Variants in DCDC1 observed in about 807,000 individuals in gnomAD.
The protein encoded by DCDC1 is doublecortin domain-containing protein 1.
Under a neutral mutation model 178.3 loss-of-function variants are expected in DCDC1, and 200 were observed. The observed-to-expected ratio is 1.12, with a 90% CI of 1.00 to 1.26. The LOEUF is 1.26. Among genes scored for constraint, DCDC1 ranks in the 50% most tolerant of loss-of-function variants. The pLI is 0.00. For missense variants in DCDC1, 1,983 were observed against 1,749.2 expected, an observed-to-expected ratio of 1.13 and a Z score of -2.38; for synonymous variants, 690 against 604.8, an observed-to-expected ratio of 1.14 and a Z score of -2.07.
At chr11:31,157,117 A>G (rs1965785973) in intron 9 of DCDC1, among the ~76,000 whole-genome samples, 1 of 151,912 alleles carries the variant, frequency 6.6e-6, no homozygotes, top group Non-Finnish European at 1.5e-5. Context: ...GGTGGCTCAC[A>G]TCTCTAATCC....
In DCDC1 at chr11:30,892,453, A is replaced by C. The variant is rs539825020; in HGVS notation, c.5082+365T>G. Among the ~76,000 whole-genome samples the C allele has an allele frequency of 1.4e-4, 21 of 152,234 alleles. No homozygotes were observed. In the South Asian group the frequency reaches 3.9e-3, roughly 29 times the overall value. ...ATGCCACTGCACTCCAGCCTGGGTG[A>C]CAGAGTGAGACTCTGTCTCAAATAA... On this transcript the variant is annotated intron_variant, in intron 36 of 38. Coordinates refer to ENST00000684477, the MANE Select transcript of DCDC1 (RefSeq NM_001387274.1).
intron 20 of DCDC1, among the ~76,000 whole-genome samples, chr11:30,961,897 G>A (rs1949121336): frequency 6.6e-6 from 1 of 151,852 alleles, no homozygotes; most frequent in South Asian, 2.1e-4. Flanking sequence ...CTCTGGACAG[G>A]GAACAAATCA....
chr11:31,187,744 A>G (rs777229970), intron 9 of DCDC1, among the ~76,000 whole-genome samples: 59 of 152,204 alleles, frequency 3.9e-4, no homozygotes, highest in Non-Finnish European at 7.5e-4. Context: ...GCTGGTTAAA[A>G]AAAATCCAAC....
intron 27 of DCDC1, among the ~76,000 whole-genome samples, chr11:30,913,081 A>T (rs1945559020): frequency 6.6e-6 from 1 of 152,168 alleles, no homozygotes; most frequent in African/African-American, 2.4e-5. Flanking sequence ...CTGCCATGGG[A>T]CATATATTGT....
At chr11:31,302,837 T>G (rs762486973) in intron 6 of DCDC1, among the ~76,000 whole-genome samples, 11 of 152,184 alleles carry the variant, frequency 7.2e-5, no homozygotes, top group Non-Finnish European at 1.6e-4. Context: ...GAAATCGTTC[T>G]TAGGCAATTT....
intron 2 of DCDC1, among the ~76,000 whole-genome samples, chr11:31,334,265 A>G (rs1297447120): frequency 3.9e-5 from 6 of 152,184 alleles, no homozygotes; most frequent in Admixed American, 6.5e-5. Context: ...TGTTTATTCT[A>G]GTTAGCCATT....
intron 1 of DCDC1, among the ~76,000 whole-genome samples, chr11:31,369,207 T>G (rs1028275235): frequency 1.3e-5 from 2 of 152,304 alleles, no homozygotes; most frequent in East Asian, 3.9e-4. Flanking sequence ...CTTGTCTCAC[T>G]GGGTTGAAAT....
At position 30,908,974 on chromosome 11, in the gene DCDC1, A is replaced by T; in HGVS notation, c.3890T>A (p.Val1297Glu). Residue 1297 changes from valine to glutamate, a missense_variant, in exon 29 of 39, where the codon GTG becomes GAG. Transcript: ENST00000684477. ...ANYAGVCTSS[V>E]IKEENIDQPG... Reference sequence around the variant, plus strand: ...TTGATCAATGTTTTCTTCTTTAATCACAGATGATGTACAGACACCAGCATA... The same window carrying T: ...TTGATCAATGTTTTCTTCTTTAATCTCAGATGATGTACAGACACCAGCATA... 5 of 1,604,536 alleles carry T rather than the reference A, an allele frequency of 3.1e-6. No individual in the cohort carries two copies. The South Asian group carries it at 5.6e-5, about 18-fold the overall frequency.
chr11:30,915,389 TA>T, intron 27 of DCDC1, 121 bp downstream of exon 27: 1 of 1,006,766 alleles, frequency 9.9e-7, no homozygotes, highest in Non-Finnish European at 1.5e-6. Flanking sequence ...AATTATCAGC[TA>T]AGTTAAATAG....
intron 20 of DCDC1, among the ~76,000 whole-genome samples, chr11:30,990,279 C>A (rs1014146632): frequency 3.3e-5 from 5 of 152,104 alleles, no homozygotes; most frequent in African/African-American, 1.2e-4. Context: ...CCTGTAAGAT[C>A]TCATTTGAAG....
chr11:31,148,353 C>G (rs1221349458), intron 9 of DCDC1, among the ~76,000 whole-genome samples: 1 of 151,760 alleles, frequency 6.6e-6, no homozygotes, highest in African/African-American at 2.4e-5. Flanking sequence ...TCGAGACCAG[C>G]CTGGGCAACA....
At chr11:31,357,011 A>G (rs977819154) in intron 1 of DCDC1, among the ~76,000 whole-genome samples, 11 of 150,968 alleles carry the variant, frequency 7.3e-5, no homozygotes, top group African/African-American at 1.5e-4. Flanking sequence ...CAGAGGTACA[A>G]GGAGGAACTG....
At chr11:31,367,965 T>C (rs957909734) in intron 1 of DCDC1, among the ~76,000 whole-genome samples, 2 of 152,170 alleles carry the variant, frequency 1.3e-5, no homozygotes, top group Admixed American at 6.5e-5. Flanking sequence ...GGGACTGCTA[T>C]AATTTAAAAG....
chr11:31,276,330 T>A (rs891333914), intron 7 of DCDC1, among the ~76,000 whole-genome samples: 20 of 152,104 alleles, frequency 1.3e-4, no homozygotes, highest in African/African-American at 4.8e-4. Flanking sequence ...AAGCTGAAAA[T>A]TATGAAAATG....
chr11:31,356,326 C>T (rs2133341902), intron 1 of DCDC1, among the ~76,000 whole-genome samples: 1 of 152,222 alleles, frequency 6.6e-6, no homozygotes, highest in South Asian at 2.1e-4. Flanking sequence ...CAACCTGCTC[C>T]TGAATGACTA....
chr11:31,188,174 G>A lies in DCDC1; in HGVS notation c.1222-50390C>T, dbSNP rs143929531. Among the ~76,000 whole-genome samples, 3 of 152,018 alleles carry A rather than the reference G, an allele frequency of 2.0e-5. No individual in the cohort carries two copies. In the East Asian group the frequency reaches 5.8e-4, roughly 30 times the overall value. ...CCCTGTACAGTAGGTATATTCTCAG[G>A]AATTTTAAAACGAAGCAGAAATGAA... On this transcript the variant is annotated intron_variant, in intron 9 of 38. Coordinates refer to ENST00000684477, the MANE Select transcript of DCDC1 (RefSeq NM_001387274.1).
chr11:31,096,830 G>A (rs2135705366), intron 15 of DCDC1, among the ~76,000 whole-genome samples: 1 of 152,170 alleles, frequency 6.6e-6, no homozygotes, highest in East Asian at 1.9e-4. Context: ...AACGAGGGTG[G>A]GAAGTTAAGG....
At position 31,041,039 on chromosome 11, in the gene DCDC1, T is replaced by C. The variant is rs183848210; in HGVS notation, c.2591+23430A>G. On this transcript the variant is annotated intron_variant, in intron 20 of 38. Coordinates refer to ENST00000684477, the MANE Select transcript of DCDC1 (RefSeq NM_001387274.1). ...TACTACATTTAAAGTACAGCAATTATATATTAAGGGTATTTATGCTTATAA... is the reference window on the plus strand; with the variant it reads ...TACTACATTTAAAGTACAGCAATTACATATTAAGGGTATTTATGCTTATAA... Among the ~76,000 whole-genome samples, 166 of 152,336 alleles carry C rather than the reference T, an allele frequency of 1.1e-3. 1 individual carries two copies. The highest frequency in any genetic ancestry group is 3.8e-3 in the African/African-American group (156 of 41,582).
At chr11:31,336,139 C>T (rs1410376504) in intron 1 of DCDC1, among the ~76,000 whole-genome samples, 3 of 152,080 alleles carry the variant, frequency 2.0e-5, no homozygotes, top group South Asian at 2.1e-4. Flanking sequence ...GTAATAAATG[C>T]TAAGGGGAAA....
Sources: gnomAD v4.1 joint callset for allele counts (sites outside exome capture counted in the v4.1 genomes callset) on GRCh38, gnomAD v4.1.1 for gene constraint, MANE v1.5 for transcripts, NCBI Gene and HGNC (gene_info 2026-07-23, HGNC 2026-07-21) for gene names.